The following SMG6 variants were observed in gnomAD, a reference collection of about 807,000 sequenced individuals.
The protein encoded by SMG6 is SMG6 nonsense mediated mRNA decay factor, also known as telomerase-binding protein EST1A.
In SMG6, 66 loss-of-function variants were observed where a neutral mutation model predicts 142.2. The ratio of observed to expected loss-of-function variants is 0.46; its 90% CI spans 0.38 to 0.57. SMG6 has a LOEUF of 0.57. SMG6 is among the 20% of genes least tolerant of loss of function. The pLI is 0.00. For missense variants in SMG6, 1,793 were observed against 1,832.0 expected (o/e 0.98, Z 0.39); for synonymous variants, 779 against 702.4 (o/e 1.11, Z -1.72).
At chr17:2,243,808 C>T (rs2073868116) in intron 9 of SMG6, among the ~76,000 whole-genome samples, 1 of 152,192 alleles carries the variant, frequency 6.6e-6, no homozygotes, top group Non-Finnish European at 1.5e-5. Flanking sequence ...GCTCACAATA[C>T]AACTTCCAAC....
chr17:2,243,727 C>T (rs183938387), intron 9 of SMG6, among the ~76,000 whole-genome samples: 13 of 152,066 alleles, frequency 8.5e-5, no homozygotes, highest in Non-Finnish European at 1.5e-4. Context: ...GAAGTTATGA[C>T]GGGAAGTGAA....
chr17:2,268,837 G>A (rs924544665), intron 8 of SMG6, among the ~76,000 whole-genome samples: 10 of 151,728 alleles, frequency 6.6e-5, no homozygotes, highest in African/African-American at 1.9e-4. Flanking sequence ...GCATGAACCC[G>A]GGAGACAGAC....
At chr17:2,209,012 A>C (rs1045369297) in intron 10 of SMG6, among the ~76,000 whole-genome samples, 1 of 152,106 alleles carries the variant, frequency 6.6e-6, no homozygotes, top group Non-Finnish European at 1.5e-5. Context: ...AGACTCCATC[A>C]AAATTAGCTG....
intron 17 of SMG6, 151 bp from the exon 18 acceptor site, chr17:2,065,305 TGTG>T: frequency 1.0e-6 from 1 of 986,328 alleles, no homozygotes; most frequent in Non-Finnish European, 1.6e-6. Context: ...CTGATCTGAC[TGTG>T]CTACGAGTGA....
At chr17:2,065,785 TC>T (rs2067925519) in intron 16 of SMG6, 106 bp from the exon 17 acceptor site, 1 of 940,756 alleles carries the variant, frequency 1.1e-6, no homozygotes, top group Admixed American at 2.1e-5. Context: ...CCAGAATCCA[TC>T]CTTCCCCCAC....
chr17:2,211,020 T>A (rs1017475424), intron 10 of SMG6, among the ~76,000 whole-genome samples: 2 of 151,428 alleles, frequency 1.3e-5, no homozygotes, highest in Non-Finnish European at 1.5e-5. Flanking sequence ...AGGATCACCA[T>A]GCTTGACTAC....
chr17:2,223,734 T>C lies in SMG6; in HGVS notation c.2869+12758A>G, dbSNP rs577987903. 2.6e-5 allele frequency among the ~76,000 whole-genome samples: 4 copies of C among 152,306 alleles called. No homozygotes were observed. The East Asian group carries it at 7.7e-4, about 29-fold the overall frequency. ...CACCCAATTAGCCCTCTAAGTGATA[T>C]TCTATACACTGGACACCTCTTGGAA... is the stretch of plus-strand genomic sequence containing the variant. On this transcript the variant is annotated intron_variant, in intron 10 of 18. Coordinates refer to ENST00000263073, the MANE Select transcript of SMG6 (RefSeq NM_017575.5).
intron 12 of SMG6, among the ~76,000 whole-genome samples, chr17:2,179,481 G>A (rs1175330786): frequency 6.6e-6 from 1 of 152,110 alleles, no homozygotes; most frequent in Non-Finnish European, 1.5e-5. Context: ...TTCTCCCTAT[G>A]TGACAAGACC....
chr17:2,150,908 C>T (rs2070807189), intron 13 of SMG6, among the ~76,000 whole-genome samples: 1 of 152,042 alleles, frequency 6.6e-6, no homozygotes, highest in Admixed American at 6.6e-5. Context: ...AAATCCGTAA[C>T]CCAGCTGTGA....
intron 13 of SMG6, among the ~76,000 whole-genome samples, chr17:2,155,084 AC>A (rs1487400343): frequency 6.8e-6 from 1 of 147,652 alleles, no homozygotes; most frequent in African/African-American, 2.5e-5. Context: ...ATGGAGTCTC[AC>A]TCCATCACCC....
intron 13 of SMG6, among the ~76,000 whole-genome samples, chr17:2,144,346 C>T (rs1196984700): frequency 1.3e-5 from 2 of 152,006 alleles, no homozygotes; most frequent in Non-Finnish European, 2.9e-5. Context: ...CGGTTACAGG[C>T]GTGAGCCATG....
chr17:2,208,107 C>A (rs1454501314), intron 10 of SMG6, among the ~76,000 whole-genome samples: 2 of 151,948 alleles, frequency 1.3e-5, no homozygotes, highest in East Asian at 3.9e-4. Context: ...CCAGCCTGGG[C>A]GACAGAGGGA....
At chr17:2,143,825 C>G (rs1028646895) in intron 13 of SMG6, among the ~76,000 whole-genome samples, 10 of 152,062 alleles carry the variant, frequency 6.6e-5, no homozygotes, top group African/African-American at 2.4e-4. Context: ...TCTTTTTAAG[C>G]TAAAGGGGTT....
At chr17:2,150,838 C>T (rs1015599479) in intron 13 of SMG6, among the ~76,000 whole-genome samples, 2 of 152,102 alleles carry the variant, frequency 1.3e-5, no homozygotes, top group Non-Finnish European at 2.9e-5. Context: ...CTGTGAAATA[C>T]CCTTTCCCCC....
chr17:2,114,097 G>A (rs1364490560), intron 13 of SMG6, among the ~76,000 whole-genome samples: 1 of 151,736 alleles, frequency 6.6e-6, no homozygotes, highest in Non-Finnish European at 1.5e-5. Context: ...GCGAAACCCC[G>A]TCTCTACTAA....
intron 13 of SMG6, among the ~76,000 whole-genome samples, chr17:2,156,174 G>C (rs936523634): frequency 3.3e-5 from 5 of 151,034 alleles, no homozygotes; most frequent in Admixed American, 1.3e-4. Context: ...CAGATCATTT[G>C]AGGTCAGGAG....
chr17:2,186,736 C>T lies in SMG6; in HGVS notation c.3082G>A (p.Val1028Ile), dbSNP rs766518151. Residue 1028 changes from valine (V) to isoleucine (I), a missense_variant, in exon 12 of 19, where the codon GTC becomes ATC. Coordinates refer to ENST00000263073, the MANE Select transcript of SMG6 (RefSeq NM_017575.5). ...TAGCCGAGCATCCAATCTGACCAGACTTTGACACTGGGGAGCAGCTCCTTC... is the reference window on the plus strand; with the variant it reads ...TAGCCGAGCATCCAATCTGACCAGATTTTGACACTGGGGAGCAGCTCCTTC... ...DLKELLPSVK[V>I]WSDWMLGYPD... is the part of the protein sequence containing the mutation. 4 of 1,614,106 alleles carry T rather than the reference C, an allele frequency of 2.5e-6. No homozygotes were observed. In the Admixed American group the frequency reaches 6.7e-5, roughly 27 times the overall value.
At chr17:2,094,002 A>C (rs1275713120) in intron 13 of SMG6, among the ~76,000 whole-genome samples, 1 of 152,178 alleles carries the variant, frequency 6.6e-6, no homozygotes, top group Non-Finnish European at 1.5e-5. Flanking sequence ...CTCTTCAGCA[A>C]TCCCTCTCCC....
At chr17:2,237,850 T>C (rs1460815686) in intron 9 of SMG6, among the ~76,000 whole-genome samples, 3 of 152,188 alleles carry the variant, frequency 2.0e-5, no homozygotes, top group Non-Finnish European at 4.4e-5. Flanking sequence ...GCCAGGCACA[T>C]GGGCCTTAGG....
Sources: gnomAD v4.1 joint callset for allele counts (sites outside exome capture counted in the v4.1 genomes callset) on GRCh38, gnomAD v4.1.1 for gene constraint, MANE v1.5 for transcripts, NCBI Gene and HGNC (gene_info 2026-07-23, HGNC 2026-07-21) for gene names.